ASCC3: variants seen among roughly 807,000 people sequenced by gnomAD.
The protein encoded by ASCC3 is activating signal cointegrator 1 complex subunit 3, also known as ASC-1 complex subunit P200.
ASCC3 carries 158 observed loss-of-function variants against 256.3 expected under a neutral mutation model. The observed-to-expected ratio is 0.62, with a 90% CI of 0.54 to 0.70. ASCC3 has a LOEUF of 0.70. ASCC3 is among the 30% of genes least tolerant of loss of function. The probability of loss-of-function intolerance (pLI) is 0.00; values close to 1 mark genes in which losing one functional copy is unlikely to be tolerated. For synonymous variants in ASCC3, 948 were observed against 883.4 expected (o/e 1.07, Z -1.30); for missense variants, 2,259 against 2,626.0 (o/e 0.86, Z 3.05).
chr6:100,795,868 A>G (rs1769586999), intron 8 of ASCC3, among the ~76,000 whole-genome samples: 1 of 152,142 alleles, frequency 6.6e-6, no homozygotes. Flanking sequence ...TACCTGGTAC[A>G]AAAAAGATCC....
chr6:100,772,635 A>G (rs1388025455), intron 8 of ASCC3, among the ~76,000 whole-genome samples: 4 of 152,310 alleles, frequency 2.6e-5, no homozygotes, highest in East Asian at 1.9e-4. Context: ...AGGCAGGCCA[A>G]TTAAACATCT....
Position 100,509,312 on chromosome 6 carries a change from T to C in ASCC3, c.*74A>G. 6.3e-7 allele frequency: 1 copy of C among 1,579,918 alleles called. No individual in the cohort carries two copies. The highest frequency in any genetic ancestry group is 8.7e-7 in the Non-Finnish European group (1 of 1,150,012). ...TGATTCTTTCAAGGCAAACATCAAG[T>C]AATTCGATTTGTCTAGATGACTGAA... is the stretch of plus-strand genomic sequence containing the variant. On this transcript the variant is annotated 3_prime_UTR_variant, in exon 42 of 42. Coordinates refer to ENST00000369162, the MANE Select transcript of ASCC3 (RefSeq NM_006828.4).
chr6:100,513,749 T>G (rs1408960693), intron 39 of ASCC3, among the ~76,000 whole-genome samples: 1 of 152,108 alleles, frequency 6.6e-6, no homozygotes, highest in African/African-American at 2.4e-5. Flanking sequence ...TTGTAAAAAA[T>G]CAGTATTCAA....
At chr6:100,878,602 A>G (rs908302956) in intron 1 of ASCC3, among the ~76,000 whole-genome samples, 1 of 152,240 alleles carries the variant, frequency 6.6e-6, no homozygotes, top group Non-Finnish European at 1.5e-5. Flanking sequence ...GGCAGTATGT[A>G]TTATAACTCT....
chr6:100,613,764 A>G (rs1399449734), intron 30 of ASCC3, among the ~76,000 whole-genome samples: 1 of 152,168 alleles, frequency 6.6e-6, no homozygotes. Context: ...ACTATTTTCC[A>G]TAGAGGTTGT....
intron 10 of ASCC3, among the ~76,000 whole-genome samples, chr6:100,739,382 G>T (rs1236372865): frequency 6.6e-6 from 1 of 152,192 alleles, no homozygotes; most frequent in African/African-American, 2.4e-5. Flanking sequence ...GCTCATCAAG[G>T]ATGTTGGCCT....
intron 16 of ASCC3, among the ~76,000 whole-genome samples, chr6:100,657,090 TGAA>T (rs1180878203): frequency 6.6e-6 from 1 of 151,274 alleles, no homozygotes; most frequent in African/African-American, 2.4e-5. Context: ...TTTAGTTAGT[TGAA>T]GATGAGATTT....
chr6:100,578,288 C>T lies in ASCC3; in HGVS notation c.5550+11346G>A, dbSNP rs1770989162. Among the ~76,000 whole-genome samples, 10 of 152,100 alleles carry T rather than the reference C, an allele frequency of 6.6e-5. No homozygotes were observed. The South Asian group carries it at 2.1e-3, about 32-fold the overall frequency. On this transcript the variant is annotated intron_variant, in intron 36 of 41. Coordinates refer to ENST00000369162, the MANE Select transcript of ASCC3 (RefSeq NM_006828.4). ...ATTAATTAAACTTTAATTTTAGGTT[C>T]AGGGGTACATGACCAAGTCTGTTAC...
intron 14 of ASCC3, 37 bp from the exon 15 acceptor site, chr6:100,662,573 T>C: frequency 6.3e-7 from 1 of 1,595,426 alleles, no homozygotes; most frequent in South Asian, 1.1e-5. Context: ...TTATTTAGCA[T>C]TTAAAAGCAA....
chr6:100,508,981 G>T lies in ASCC3; in HGVS notation c.*405C>A, dbSNP rs2114594395. 4.4e-6 allele frequency: 1 copy of T among 225,964 alleles called. No homozygotes were observed. The highest frequency in any genetic ancestry group is 8.8e-6 in the Non-Finnish European group (1 of 113,112). The allele number at this position is 225,964 out of a possible 1,614,324, so 14.0% of individuals were successfully genotyped here. A position where few individuals can be genotyped will look rare whatever the true frequency, so the allele number is the denominator to read the frequency against. ...ATTTATAGTTTATGCGGCAGAGTTA[G>T]AAATCTGTGACAAGTCCTAACACTT... is the stretch of plus-strand genomic sequence containing the variant. On this transcript the variant is annotated 3_prime_UTR_variant, in exon 42 of 42. Coordinates refer to ENST00000369162, the MANE Select transcript of ASCC3 (RefSeq NM_006828.4).
chr6:100,509,793 CAG>C (rs1773666163), intron 41 of ASCC3, 137 bp downstream of exon 41: 1 of 868,014 alleles, frequency 1.2e-6, no homozygotes, highest in South Asian at 1.7e-5. Context: ...GAGGCTGAGG[CAG>C]GAGAATGGCG....
At chr6:100,590,398 GACAT>G (rs1258409856) in intron 34 of ASCC3, among the ~76,000 whole-genome samples, 1 of 152,030 alleles carries the variant, frequency 6.6e-6, no homozygotes, top group East Asian at 1.9e-4. Flanking sequence ...AAAGCCTAAA[GACAT>G]ACATTTCACC....
intron 36 of ASCC3, among the ~76,000 whole-genome samples, chr6:100,573,441 A>C (rs910328608): frequency 6.6e-6 from 1 of 152,140 alleles, no homozygotes; most frequent in Admixed American, 6.6e-5. Flanking sequence ...ATTGGGATGA[A>C]ATTAGAAACA....
chr6:100,773,980 CAGA>C (rs1184449186), intron 8 of ASCC3, among the ~76,000 whole-genome samples: 1 of 147,232 alleles, frequency 6.8e-6, no homozygotes, highest in East Asian at 2.0e-4. Flanking sequence ...AATAAATAAT[CAGA>C]AGAATATACT....
chr6:100,815,159 C>T (rs9377234), intron 4 of ASCC3, among the ~76,000 whole-genome samples: 59,166 of 151,794 alleles, frequency 0.39, 12,823 homozygotes, highest in Middle Eastern at 0.56. Context: ...GAATGTAATC[C>T]CACTCATAAT....
At chr6:100,782,152 T>C (rs537273713) in intron 8 of ASCC3, among the ~76,000 whole-genome samples, 1 of 152,254 alleles carries the variant, frequency 6.6e-6, no homozygotes, top group Admixed American at 6.5e-5. Flanking sequence ...CTACTATACA[T>C]AACAGAGTTG....
At chr6:100,867,376 T>C (rs1582987929) in intron 2 of ASCC3, among the ~76,000 whole-genome samples, 1 of 152,230 alleles carries the variant, frequency 6.6e-6, no homozygotes, top group African/African-American at 2.4e-5. Flanking sequence ...TCTGAAGTTT[T>C]AGTCACAAAG....
At chr6:100,592,397 C>A (rs1231495072) in intron 34 of ASCC3, among the ~76,000 whole-genome samples, 2 of 151,738 alleles carry the variant, frequency 1.3e-5, no homozygotes, top group Non-Finnish European at 2.9e-5. Context: ...TGATCTTTAC[C>A]AAATACTATT....
chr6:100,815,043 A>T (rs1347833423), intron 4 of ASCC3, among the ~76,000 whole-genome samples: 1 of 151,930 alleles, frequency 6.6e-6, no homozygotes, highest in Non-Finnish European at 1.5e-5. Flanking sequence ...TTAAATTGAG[A>T]TCTTTCTAAC....
Sources: gnomAD v4.1 joint callset for allele counts (sites outside exome capture counted in the v4.1 genomes callset) on GRCh38, gnomAD v4.1.1 for gene constraint, MANE v1.5 for transcripts, NCBI Gene and HGNC (gene_info 2026-07-23, HGNC 2026-07-21) for gene names.